RABGAP1L: variants seen among roughly 807,000 people sequenced by gnomAD.
RABGAP1L encodes the protein RAB GTPase activating protein 1 like, also known as rab GTPase-activating protein 1-like.
In RABGAP1L, 63 loss-of-function variants were observed where a neutral mutation model predicts 137.7. That is an observed-to-expected ratio of 0.46 (90% CI 0.37 to 0.56). The LOEUF (loss-of-function observed/expected upper bound fraction) is 0.56. Among genes scored for constraint, RABGAP1L ranks in the 20% least tolerant of loss-of-function variants. The pLI is 0.00. For synonymous variants in RABGAP1L, 431 were observed against 433.7 expected, an observed-to-expected ratio of 0.99 and a Z score of 0.08; for missense variants, 1,095 against 1,244.0, an observed-to-expected ratio of 0.88 and a Z score of 1.80.
intron 20 of RABGAP1L, chr1:174,964,698 A>T: frequency 2.3e-6 from 2 of 866,842 alleles, no homozygotes. Context: ...AACTGTAAAC[A>T]GCAATGTGGA....
chr1:174,865,822 G>T (rs1156859539), intron 19 of RABGAP1L, among the ~76,000 whole-genome samples: 1 of 151,994 alleles, frequency 6.6e-6, no homozygotes, highest in African/African-American at 2.4e-5. Flanking sequence ...ATAAATAATA[G>T]AACATTTCAT....
intron 18 of RABGAP1L, chr1:174,800,434 G>C (rs1480586668): frequency 3.9e-6 from 6 of 1,550,802 alleles, no homozygotes; most frequent in Non-Finnish European, 4.4e-6. Flanking sequence ...TGGTGAATGA[G>C]TATGCGTGTC....
intron 14 of RABGAP1L, among the ~76,000 whole-genome samples, chr1:174,661,284 C>T (rs1287105406): frequency 6.6e-6 from 1 of 152,100 alleles, no homozygotes; most frequent in Non-Finnish European, 1.5e-5. Context: ...AAAATACATG[C>T]TGAGTTTGAA....
At chr1:174,486,568 G>A (rs1430521614) in intron 13 of RABGAP1L, among the ~76,000 whole-genome samples, 4 of 151,738 alleles carry the variant, frequency 2.6e-5, no homozygotes, top group Non-Finnish European at 4.4e-5. Context: ...GGATGGTCTC[G>A]ATCCCCTGAC....
chr1:174,530,672 C>T (rs1468711043), intron 13 of RABGAP1L, among the ~76,000 whole-genome samples: 4 of 152,144 alleles, frequency 2.6e-5, no homozygotes, highest in Admixed American at 2.6e-4. Flanking sequence ...TTTCCTGTCA[C>T]TTTCTGTTAA....
chr1:174,258,460 C>A (rs1397313092), intron 7 of RABGAP1L, among the ~76,000 whole-genome samples: 1 of 151,850 alleles, frequency 6.6e-6, no homozygotes, highest in Non-Finnish European at 1.5e-5. Context: ...AATTAAACAT[C>A]TTTTTTTTGG....
Position 174,980,178 on chromosome 1 carries a change from C to T in RABGAP1L, c.2733+1288C>T, listed in dbSNP as rs565986334. Among the ~76,000 whole-genome samples the T allele has an allele frequency of 5.1e-4, 77 of 152,146 alleles. 1 individual carries two copies. The highest frequency in any genetic ancestry group is 1.8e-3 in the African/African-American group (73 of 41,524). ...AAACAGGATGAATTGTATTGTTTAT[C>T]CTTTTTTTTTGTAACTAGCTTTAGT... On this transcript the variant is annotated intron_variant, in intron 23 of 25. Coordinates refer to ENST00000681986, the MANE Select transcript of RABGAP1L (RefSeq NM_001366446.1).
rs942974748 is a variant in RABGAP1L, at chr1:174,878,042, C to G, written c.2340+66082C>G. Among the ~76,000 whole-genome samples, 2 of 152,034 alleles carry G rather than the reference C, an allele frequency of 1.3e-5. 1 individual carries two copies. The highest frequency in any genetic ancestry group is 2.9e-5 in the Non-Finnish European group (2 of 67,994). Reference sequence around the variant, plus strand: ...CTAAGAAGAACTATTAGGAAAATAACAGTACAATTTTAGTTTGGCTTTAAT... The same window carrying G: ...CTAAGAAGAACTATTAGGAAAATAAGAGTACAATTTTAGTTTGGCTTTAAT... On this transcript the variant is annotated intron_variant, in intron 19 of 25. Coordinates refer to ENST00000681986, the MANE Select transcript of RABGAP1L (RefSeq NM_001366446.1).
chr1:174,795,198 C>A (rs903267104), intron 18 of RABGAP1L, among the ~76,000 whole-genome samples: 4 of 152,110 alleles, frequency 2.6e-5, no homozygotes, highest in South Asian at 4.1e-4. Flanking sequence ...CCCTCCCCCC[C>A]AGTATATCAC....
chr1:174,523,005 G>A (rs1379099765), intron 13 of RABGAP1L, among the ~76,000 whole-genome samples: 2 of 152,186 alleles, frequency 1.3e-5, no homozygotes, highest in African/African-American at 4.8e-5. Flanking sequence ...CTGGTGAATA[G>A]TAGATTGAAT....
chr1:174,879,186 C>T (rs1315420426), intron 19 of RABGAP1L, among the ~76,000 whole-genome samples: 2 of 151,560 alleles, frequency 1.3e-5, no homozygotes, highest in Non-Finnish European at 2.9e-5. Flanking sequence ...CTGCAACCTC[C>T]GCCTCCCATG....
chr1:174,197,240 G>A (rs1307388827), intron 1 of RABGAP1L, among the ~76,000 whole-genome samples: 1 of 152,152 alleles, frequency 6.6e-6, no homozygotes, highest in Non-Finnish European at 1.5e-5. Context: ...CTCACCTAAG[G>A]TCATAAGGCT....
intron 11 of RABGAP1L, among the ~76,000 whole-genome samples, chr1:174,323,613 T>C (rs148477611): frequency 6.6e-6 from 1 of 152,216 alleles, no homozygotes; most frequent in East Asian, 1.9e-4. Context: ...TTTAGGGAGC[T>C]TTCATCATAT....
At chr1:174,348,857 T>A (rs1428255974) in intron 11 of RABGAP1L, among the ~76,000 whole-genome samples, 1 of 152,158 alleles carries the variant, frequency 6.6e-6, no homozygotes, top group East Asian at 1.9e-4. Flanking sequence ...CATGTCTACC[T>A]CTTTCTACAC....
rs200402801 is a variant in RABGAP1L, at chr1:174,231,302, A to G, written c.489A>G (p.Gln163=). Residue 163 remains glutamine, a synonymous_variant, in exon 4 of 26, where the codon CAA becomes CAG. Coordinates refer to ENST00000681986, the MANE Select transcript of RABGAP1L (RefSeq NM_001366446.1). The part of the protein sequence containing the change: ...RAMATMKSSS[Q]YPFPVTLYVP... ...TGGCAACCATGAAATCTTCCAGTCA[A>G]TACCCCTTTCCTGTTACCCTGTATG... 8 of 1,614,134 alleles carry G rather than the reference A, an allele frequency of 5.0e-6. No homozygotes were observed. The highest frequency in any genetic ancestry group is 4.5e-5 in the East Asian group (2 of 44,862).
At chr1:174,463,835 T>C (rs943626733) in intron 13 of RABGAP1L, among the ~76,000 whole-genome samples, 3 of 152,010 alleles carry the variant, frequency 2.0e-5, no homozygotes, top group Non-Finnish European at 4.4e-5. Context: ...TAACAGATGT[T>C]GGTGAGGTTG....
intron 13 of RABGAP1L, among the ~76,000 whole-genome samples, chr1:174,428,714 C>T (rs1232131766): frequency 2.0e-5 from 3 of 151,950 alleles, no homozygotes; most frequent in African/African-American, 7.3e-5. Context: ...CCTCAAAGAC[C>T]CTCTTTTCAC....
chr1:174,456,456 T>C (rs61826874), intron 13 of RABGAP1L, among the ~76,000 whole-genome samples: 2,547 of 152,224 alleles, frequency 0.017, 23 homozygotes, highest in Non-Finnish European at 0.028. Flanking sequence ...TTTTTTGTAA[T>C]AGATTTGCAA....
intron 13 of RABGAP1L, among the ~76,000 whole-genome samples, chr1:174,472,430 T>C (rs1295694618): frequency 6.6e-6 from 1 of 152,200 alleles, no homozygotes; most frequent in East Asian, 1.9e-4. Context: ...GGTTCTGCCT[T>C]CCAGGCCCCC....
Sources: gnomAD v4.1 joint callset for allele counts (sites outside exome capture counted in the v4.1 genomes callset) on GRCh38, gnomAD v4.1.1 for gene constraint, MANE v1.5 for transcripts, NCBI Gene and HGNC (gene_info 2026-07-23, HGNC 2026-07-21) for gene names.